The following VOPP1 variants were observed in gnomAD, a reference collection of about 807,000 sequenced individuals.
VOPP1 encodes the protein VOPP1 WW domain binding protein.
Under a neutral mutation model 23.5 loss-of-function variants are expected in VOPP1, and 8 were observed. The ratio of observed to expected loss-of-function variants is 0.34; its 90% CI spans 0.20 to 0.61. The LOEUF is 0.61. Among genes scored for constraint, VOPP1 ranks in the 20% least tolerant of loss-of-function variants. The pLI, the probability that VOPP1 is intolerant of heterozygous loss-of-function variation, is 0.78. For missense variants in VOPP1, 174 were observed against 238.1 expected (o/e 0.73, Z 1.77); for synonymous variants, 83 against 97.3 (o/e 0.85, Z 0.86).
At chr7:55,515,965 AGC>A in intron 2 of VOPP1, 1 of 985,502 alleles carries the variant, frequency 1.0e-6, no homozygotes, top group Non-Finnish European at 1.2e-6. Flanking sequence ...GGCTCCAGGA[AGC>A]TCACACGGTG....
At position 55,499,419 on chromosome 7, in the gene VOPP1, C is replaced by T. The variant is rs118012846; in HGVS notation, c.114-1729G>A. ...GTGAGCCAAGATCGTGCCACTTGCA[C>T]TCCTGACACTCCATGCATCCACCAA... On this transcript the variant is annotated intron_variant, in intron 2 of 4. Coordinates refer to ENST00000285279, the MANE Select transcript of VOPP1 (RefSeq NM_030796.5). 4.9e-3 allele frequency among the ~76,000 whole-genome samples: 741 copies of T among 152,324 alleles called. 8 individuals carry two copies. Among genetic ancestry groups the T allele is most frequent in the Admixed American group, 0.03 (460 of 15,296 alleles).
chr7:55,499,781 G>C (rs1403248147), intron 2 of VOPP1, among the ~76,000 whole-genome samples: 1 of 152,174 alleles, frequency 6.6e-6, no homozygotes, highest in East Asian at 1.9e-4. Context: ...TGGTTCCACG[G>C]CTGCATGCTG....
intron 1 of VOPP1, chr7:55,526,837 G>C (rs937121082): frequency 6.6e-6 from 1 of 152,226 alleles, no homozygotes; most frequent in Non-Finnish European, 1.5e-5. Flanking sequence ...ATGGTGGGAC[G>C]GCCCCAAAGA....
chr7:55,533,140 G>C (rs2129047449), intron 1 of VOPP1, among the ~76,000 whole-genome samples: 1 of 152,288 alleles, frequency 6.6e-6, no homozygotes, highest in South Asian at 2.1e-4. Flanking sequence ...TCTCTCTCCT[G>C]AACCCAATCA....
intron 2 of VOPP1, among the ~76,000 whole-genome samples, chr7:55,501,240 T>C (rs780369101): frequency 6.6e-6 from 1 of 151,864 alleles, no homozygotes; most frequent in Non-Finnish European, 1.5e-5. Context: ...ATAATAAAGA[T>C]GCGATATGAG....
chr7:55,534,316 C>T (rs1196834197), intron 1 of VOPP1, among the ~76,000 whole-genome samples: 1 of 152,068 alleles, frequency 6.6e-6, no homozygotes, highest in Admixed American at 6.5e-5. Context: ...TGCTTCATTT[C>T]TCATATAATT....
chr7:55,559,826 A>G (rs943540678), intron 1 of VOPP1, among the ~76,000 whole-genome samples: 20 of 152,170 alleles, frequency 1.3e-4, no homozygotes, highest in African/African-American at 4.8e-4. Flanking sequence ...TGTCAGCCCC[A>G]CAGAAGAACC....
chr7:55,483,248 G>A (rs756950257), intron 4 of VOPP1, among the ~76,000 whole-genome samples: 1 of 152,168 alleles, frequency 6.6e-6, no homozygotes, highest in Non-Finnish European at 1.5e-5. Context: ...TGACTCAGCG[G>A]CTCTGGGTGG....
At chr7:55,515,451 C>A (rs1795342472) in intron 2 of VOPP1, among the ~76,000 whole-genome samples, 1 of 152,204 alleles carries the variant, frequency 6.6e-6, no homozygotes, top group Non-Finnish European at 1.5e-5. Flanking sequence ...GGGCACAGAA[C>A]CCCCGGTCTT....
rs372648739 is a variant in VOPP1 at position 55,517,614 on chromosome 7, G to A, written c.113+3458C>T. The stretch of plus-strand genomic sequence containing the variant: ...TACCTGCACTGCCTTCTCCACCAAG[G>A]CAGCAGAAACCACAGTGGGCTTCAG... On this transcript the variant is annotated intron_variant, in intron 2 of 4. Coordinates refer to ENST00000285279, the MANE Select transcript of VOPP1 (RefSeq NM_030796.5). Among the ~76,000 whole-genome samples, 8 of 152,218 alleles carry A rather than the reference G, an allele frequency of 5.3e-5. No individual in the cohort carries two copies. The East Asian group carries it at 1.2e-3, about 22-fold the overall frequency.
rs189024694 is a variant in VOPP1, at chr7:55,562,931, T to A, written c.54+9340A>T. On this transcript the variant is annotated intron_variant, in intron 1 of 4. Coordinates refer to ENST00000285279, the MANE Select transcript of VOPP1 (RefSeq NM_030796.5). ...GACCTAATTGTAGATTACTATGCGG[T>A]CTGGGCACATCACTCGGAAGTTCAA... Among the ~76,000 whole-genome samples, 39 of 152,338 alleles carry A rather than the reference T, an allele frequency of 2.6e-4. No homozygotes were observed. In the East Asian group the frequency reaches 6.2e-3, roughly 24 times the overall value.
intron 2 of VOPP1, among the ~76,000 whole-genome samples, chr7:55,502,985 A>G (rs1177007229): frequency 6.6e-6 from 1 of 152,236 alleles, no homozygotes; most frequent in African/African-American, 2.4e-5. Flanking sequence ...AGACTCTGAA[A>G]TACACATGAT....
At chr7:55,539,246 G>A (rs1796998925) in intron 1 of VOPP1, among the ~76,000 whole-genome samples, 1 of 152,164 alleles carries the variant, frequency 6.6e-6, no homozygotes, top group Admixed American at 6.5e-5. Flanking sequence ...TCGGGAGGCT[G>A]AGGCAGGAGA....
At chr7:55,523,279 CG>C (rs1409045886) in intron 1 of VOPP1, among the ~76,000 whole-genome samples, 2 of 152,180 alleles carry the variant, frequency 1.3e-5, no homozygotes, top group Non-Finnish European at 2.9e-5. Flanking sequence ...CAAAAGGAAA[CG>C]TGTACATTTG....
intron 1 of VOPP1, among the ~76,000 whole-genome samples, chr7:55,552,052 T>A (rs1365774249): frequency 2.1e-5 from 3 of 140,756 alleles, no homozygotes; most frequent in Non-Finnish European, 4.6e-5. Context: ...AAAAAAGGTG[T>A]TGACAAGGTG....
At chr7:55,497,560 G>GCC in intron 3 of VOPP1, 53 bp downstream of exon 3, 4 of 1,191,944 alleles carry the variant, frequency 3.4e-6, no homozygotes, top group Non-Finnish European at 4.7e-6. Context: ...CTGATGGGGG[G>GCC]GGGGGGGGGG....
intron 4 of VOPP1, among the ~76,000 whole-genome samples, chr7:55,459,073 GTTT>G (rs35220932): frequency 6.6e-6 from 1 of 151,220 alleles, no homozygotes; most frequent in African/African-American, 2.4e-5. Flanking sequence ...TTTGTTGAGA[GTTT>G]TTTTTTATCA....
intron 1 of VOPP1, among the ~76,000 whole-genome samples, chr7:55,554,503 C>G (rs182161104): frequency 1.3e-5 from 2 of 152,180 alleles, no homozygotes; most frequent in Non-Finnish European, 2.9e-5. Flanking sequence ...ATGGCCTGGA[C>G]TGAGTCAGGA....
At chr7:55,449,540 C>T (rs1791190183) in intron 4 of VOPP1, among the ~76,000 whole-genome samples, 1 of 152,234 alleles carries the variant, frequency 6.6e-6, no homozygotes, top group African/African-American at 2.4e-5. Flanking sequence ...GGGCGCAGGA[C>T]AGATGGGGAG....
Sources: allele counts gnomAD v4.1 joint callset (sites outside exome capture counted in the v4.1 genomes callset), GRCh38; gene constraint gnomAD v4.1.1; transcripts MANE v1.5; gene names NCBI Gene and HGNC (gene_info 2026-07-23, HGNC 2026-07-21).